Variants in PRKN observed in about 807,000 individuals in gnomAD.
PRKN encodes parkin RBR E3 ubiquitin protein ligase, also known as E3 ubiquitin-protein ligase parkin.
PRKN carries 56 observed loss-of-function variants against 59.5 expected under a neutral mutation model. The ratio of observed to expected loss-of-function variants is 0.94; its 90% CI spans 0.76 to 1.18. PRKN has a LOEUF of 1.18. PRKN is among the 50% of genes most tolerant of loss of function. The pLI, the probability that PRKN is intolerant of heterozygous loss-of-function variation, is 0.00. For synonymous variants in PRKN, 250 were observed against 222.1 expected (o/e 1.13, Z -1.12); for missense variants, 657 against 596.4 (o/e 1.10, Z -1.06).
At chr6:162,288,667 A>G (rs1781301174) in intron 2 of PRKN, among the ~76,000 whole-genome samples, 1 of 152,128 alleles carries the variant, frequency 6.6e-6, no homozygotes, top group Non-Finnish European at 1.5e-5. Flanking sequence ...CCAACCCCTT[A>G]TTGTAGCCTC....
intron 6 of PRKN, among the ~76,000 whole-genome samples, chr6:161,946,386 TCACA>T (rs368190954): frequency 1.1e-4 from 13 of 113,528 alleles, no homozygotes; most frequent in African/African-American, 4.1e-4. Flanking sequence ...TGCATGCACA[TCACA>T]CACACACACA....
intron 7 of PRKN, among the ~76,000 whole-genome samples, chr6:161,744,274 T>A (rs1788322015): frequency 6.6e-6 from 1 of 151,800 alleles, no homozygotes; most frequent in Non-Finnish European, 1.5e-5. Flanking sequence ...TAACCATACA[T>A]GCAGCACAGA....
intron 3 of PRKN, among the ~76,000 whole-genome samples, chr6:162,221,538 A>T (rs1358556656): frequency 6.6e-6 from 1 of 152,194 alleles, no homozygotes; most frequent in Non-Finnish European, 1.5e-5. Flanking sequence ...AACTCTGAAC[A>T]TTCCCATTGA....
At position 161,615,845 on chromosome 6, in the gene PRKN, T is replaced by C. The variant is rs115248079; in HGVS notation, c.872-46429A>G. ...GGGAGAGAACTGCAGACGAGCTGCC[T>C]TCACACAACATCATGAATCCATGCC... On this transcript the variant is annotated intron_variant, in intron 7 of 11. Coordinates refer to ENST00000366898, the MANE Select transcript of PRKN (RefSeq NM_004562.3). 7.0e-3 allele frequency among the ~76,000 whole-genome samples: 1,064 copies of C among 152,336 alleles called. 15 individuals carry two copies. The highest frequency in any genetic ancestry group is 0.024 in the African/African-American group (992 of 41,584).
At chr6:162,230,813 G>C (rs1336416602) in intron 3 of PRKN, among the ~76,000 whole-genome samples, 1 of 152,124 alleles carries the variant, frequency 6.6e-6, no homozygotes, top group Non-Finnish European at 1.5e-5. Context: ...GTGAAGAGAA[G>C]GTATCCATGG....
At position 162,191,200 on chromosome 6, in the gene PRKN, A is replaced by G. The variant is rs187759714; in HGVS notation, c.534+9931T>C. 3.2e-4 allele frequency among the ~76,000 whole-genome samples: 48 copies of G among 152,178 alleles called. No individual in the cohort carries two copies. The East Asian group carries it at 7.9e-3, about 25-fold the overall frequency. On this transcript the variant is annotated intron_variant, in intron 4 of 11. Transcript: ENST00000366898. ...TCATTGCCAACCCAACGTGCTTCTC[A>G]CCCTCTGTCCTTGCTCATAGGAATC...
chr6:161,599,671 A>G (rs1368434545), intron 7 of PRKN, among the ~76,000 whole-genome samples: 3 of 152,250 alleles, frequency 2.0e-5, no homozygotes, highest in Non-Finnish European at 4.4e-5. Flanking sequence ...GCTTACAGCA[A>G]TTTCTGTGCT....
intron 4 of PRKN, among the ~76,000 whole-genome samples, chr6:162,087,398 C>A (rs2128295123): frequency 6.6e-6 from 1 of 152,044 alleles, no homozygotes; most frequent in South Asian, 2.1e-4. Context: ...AAAGAAAAAT[C>A]AAATATACAT....
chr6:162,333,174 C>G lies in PRKN; in HGVS notation c.172-70409G>C, dbSNP rs182127895. Among the ~76,000 whole-genome samples the G allele has an allele frequency of 4.4e-3, 664 of 151,768 alleles. 3 individuals are homozygous for G. The highest frequency in any genetic ancestry group is 5.9e-3 in the Non-Finnish European group (399 of 67,984). On this transcript the variant is annotated intron_variant, in intron 2 of 11. Coordinates refer to ENST00000366898, the MANE Select transcript of PRKN (RefSeq NM_004562.3). ...TGTGAAAAGGGACAAGTTACTCTTTCTCTGCTACTCTCTTTTTATAAAAAA... is the reference window on the plus strand; with the variant it reads ...TGTGAAAAGGGACAAGTTACTCTTTGTCTGCTACTCTCTTTTTATAAAAAA...
chr6:162,500,171 T>A (rs1016603382), intron 1 of PRKN, among the ~76,000 whole-genome samples: 2 of 138,770 alleles, frequency 1.4e-5, no homozygotes, highest in African/African-American at 5.3e-5. Context: ...TCTCTTTTCT[T>A]CTTTTTTTTT....
intron 4 of PRKN, among the ~76,000 whole-genome samples, chr6:162,148,879 A>G (rs1471772538): frequency 6.6e-6 from 1 of 152,174 alleles, no homozygotes; most frequent in Non-Finnish European, 1.5e-5. Context: ...ATACTTTCTG[A>G]CAAGACAAAA....
intron 7 of PRKN, among the ~76,000 whole-genome samples, chr6:161,753,662 C>T (rs1320027585): frequency 1.3e-5 from 2 of 152,050 alleles, no homozygotes; most frequent in Non-Finnish European, 2.9e-5. Context: ...GTGCAGATGA[C>T]TCAAGAGCCA....
rs1777793449 is a variant in PRKN at position 161,497,421 on chromosome 6, T to C, written c.1083+51433A>G. Among the ~76,000 whole-genome samples the C allele has an allele frequency of 6.6e-6, 1 of 152,192 alleles. No homozygotes were observed. The highest frequency in any genetic ancestry group is 1.5e-5 in the Non-Finnish European group (1 of 68,036). On this transcript the variant is annotated intron_variant, in intron 9 of 11. Coordinates refer to ENST00000366898, the MANE Select transcript of PRKN (RefSeq NM_004562.3). This position sits in a 1 kb window ranked among gnomAD's most constrained non-coding sequence, Gnocchi z 4.6. Reference sequence around the variant, plus strand: ...CCTTTAAAGAAAAAAAAGTTCTTGCTCCTCTGTCTTGAACTGGGAATAAAT... The same window carrying C: ...CCTTTAAAGAAAAAAAAGTTCTTGCCCCTCTGTCTTGAACTGGGAATAAAT...
chr6:162,402,005 T>C (rs1374380248), intron 2 of PRKN, among the ~76,000 whole-genome samples: 2 of 152,056 alleles, frequency 1.3e-5, no homozygotes, highest in African/African-American at 4.8e-5. Flanking sequence ...ATCCCAGCAC[T>C]TTGAGAGGCC....
chr6:162,171,469 G>A lies in PRKN; in HGVS notation c.534+29662C>T, dbSNP rs563318684. On this transcript the variant is annotated intron_variant, in intron 4 of 11. Coordinates refer to ENST00000366898, the MANE Select transcript of PRKN (RefSeq NM_004562.3). The stretch of plus-strand genomic sequence containing the variant: ...CCTAAGCAAGTTTCTTCACCGCTCC[G>A]TTTCAGATTCCTCCTCTGTCAAACC... 2.0e-5 allele frequency among the ~76,000 whole-genome samples: 3 copies of A among 152,204 alleles called. No homozygotes were observed. In the East Asian group the frequency reaches 5.8e-4, roughly 29 times the overall value.
chr6:161,904,663 G>C (rs1778075875), intron 6 of PRKN, among the ~76,000 whole-genome samples: 1 of 152,082 alleles, frequency 6.6e-6, no homozygotes. Flanking sequence ...GACCGCAGGG[G>C]GTGGGCCTCT....
At chr6:162,670,036 A>C (rs1779260246) in intron 1 of PRKN, among the ~76,000 whole-genome samples, 1 of 152,236 alleles carries the variant, frequency 6.6e-6, no homozygotes, top group Admixed American at 6.5e-5. Context: ...TTGTGCTGCT[A>C]AACATTTGAC....
In PRKN at chr6:161,874,157, T is replaced by A. The variant is rs1302958198; in HGVS notation, c.735-88249A>T. ...ATTATATGTAAAATATAATATATAT[T>A]ATATATAATATATAATATATATTAT... is the stretch of plus-strand genomic sequence containing the variant. On this transcript the variant is annotated intron_variant, in intron 6 of 11. Coordinates refer to ENST00000366898, the MANE Select transcript of PRKN (RefSeq NM_004562.3). Among the ~76,000 whole-genome samples, 9 of 42,746 alleles carry A rather than the reference T, an allele frequency of 2.1e-4. 1 individual carries two copies. Among genetic ancestry groups the A allele is most frequent in the Admixed American group, 1.2e-3 (3 of 2,518 alleles). 28.0% of individuals were successfully genotyped at this position (42,746 alleles called of 152,430 possible).
At position 161,361,322 on chromosome 6, in the gene PRKN, C is replaced by T. The variant is rs1232211618; in HGVS notation, c.1168-1117G>A. On this transcript the variant is annotated intron_variant, in intron 10 of 11. Transcript: ENST00000366898. This position sits in a 1 kb window ranked among gnomAD's most constrained non-coding sequence, Gnocchi z 5.2. ...TCTTTAGGAATTAGTGTTCATGTTT[C>T]TGTTATTTCTGTGGAAAGTCAATTC... 3.9e-5 allele frequency among the ~76,000 whole-genome samples: 6 copies of T among 152,162 alleles called. No homozygotes were observed. Among genetic ancestry groups the T allele is most frequent in the Admixed American group, 1.3e-4 (2 of 15,274 alleles).
Sources: allele counts gnomAD v4.1 joint callset (sites outside exome capture counted in the v4.1 genomes callset), GRCh38; gene constraint gnomAD v4.1.1; non-coding constraint Gnocchi (gnomAD v3.1); transcripts MANE v1.5; gene names NCBI Gene and HGNC (gene_info 2026-07-23, HGNC 2026-07-21).